The following SNX18 variants were observed in gnomAD, a reference collection of about 807,000 sequenced individuals.
SNX18 encodes the protein sorting nexin-18.
SNX18 carries 35 observed loss-of-function variants against 48.7 expected under a neutral mutation model. That is an observed-to-expected ratio of 0.72 (90% confidence interval 0.55 to 0.95). The LOEUF (loss-of-function observed/expected upper bound fraction) is 0.95. Ranked by LOEUF, SNX18 falls within the 40% of genes least tolerant of loss-of-function variation. The pLI is 0.00. For synonymous variants in SNX18, 492 were observed against 384.7 expected (o/e 1.28, Z -3.26); for missense variants, 824 against 871.0 (o/e 0.95, Z 0.68).
In SNX18 at chr5:54,544,082, C is replaced by T. The variant is rs1762523728; in HGVS notation, c.*650C>T. 1.3e-5 allele frequency: 2 copies of T among 152,246 alleles called. No homozygotes were observed. Among genetic ancestry groups the T allele is most frequent in the South Asian group, 2.1e-4 (1 of 4,822 alleles). 9.4% of individuals were successfully genotyped at this position (152,246 alleles called of 1,614,324 possible). On this transcript the variant is annotated 3_prime_UTR_variant, in exon 2 of 2. Coordinates refer to ENST00000381410, the MANE Select transcript of SNX18 (RefSeq NM_001102575.2). The stretch of plus-strand genomic sequence containing the variant: ...GATCAGCTGTCATCAATTTGCACAG[C>T]AAGTATTATCTCCTGATAAGATGCT...
At chr5:54,568,368 C>T in the SNX18 span, among the ~76,000 whole-genome samples, 1 of 152,228 alleles carries the variant, frequency 6.6e-6, no homozygotes, top group African/African-American at 2.4e-5. Flanking sequence ...TTTGGACACA[C>T]ACTCCTTTGC....
At chr5:54,615,327 T>C in the SNX18 span, among the ~76,000 whole-genome samples, 3 of 152,178 alleles carry the variant, frequency 2.0e-5, no homozygotes, top group Non-Finnish European at 4.4e-5. Context: ...ATGCCTGTAG[T>C]CTACCCACCC....
the SNX18 span, among the ~76,000 whole-genome samples, chr5:54,563,905 A>G: frequency 1.3e-5 from 2 of 152,022 alleles, no homozygotes; most frequent in African/African-American, 4.8e-5. Flanking sequence ...TAATATATGT[A>G]TATAATTTTT....
the SNX18 span, among the ~76,000 whole-genome samples, chr5:54,632,079 G>A: frequency 2.6e-5 from 4 of 152,184 alleles, no homozygotes; most frequent in Admixed American, 6.5e-5. Context: ...TCTGATCTCC[G>A]AAAAGGTTGA....
At chr5:54,533,698 G>T (rs11954018) in intron 1 of SNX18, among the ~76,000 whole-genome samples, 20,604 of 152,256 alleles carry the variant, frequency 0.14, 1,556 homozygotes, top group Middle Eastern at 0.26. Flanking sequence ...AATGAGACAT[G>T]CGAAGTGCAG....
the SNX18 span, among the ~76,000 whole-genome samples, chr5:54,578,442 C>T: frequency 0.49 from 74,181 of 152,136 alleles, 19,404 homozygotes; most frequent in Non-Finnish European, 0.59. Flanking sequence ...AGAGGCCCTG[C>T]GGCCTTAGTG....
chr5:54,547,976 G>A (rs1561124958), downstream of SNX18, among the ~76,000 whole-genome samples: 1 of 152,188 alleles, frequency 6.6e-6, no homozygotes, highest in Non-Finnish European at 1.5e-5. Context: ...AGCGTATAGA[G>A]GGATGCTGCT....
the SNX18 span, among the ~76,000 whole-genome samples, chr5:54,593,814 GAA>G: frequency 5.9e-5 from 9 of 152,170 alleles, no homozygotes; most frequent in Non-Finnish European, 1.0e-4. Context: ...AAATGGTGTA[GAA>G]ACAATTGGAT....
chr5:54,579,930 G>A, the SNX18 span, among the ~76,000 whole-genome samples: 1 of 151,662 alleles, frequency 6.6e-6, no homozygotes, highest in East Asian at 1.9e-4. Flanking sequence ...ATTTTTCTTG[G>A]GTACAATATA....
chr5:54,521,290 A>G (rs909568476), intron 1 of SNX18, among the ~76,000 whole-genome samples: 7 of 152,208 alleles, frequency 4.6e-5, no homozygotes, highest in Admixed American at 2.6e-4. Context: ...TTCACTGTCA[A>G]TCACACCATG....
chr5:54,643,311 C>G, the SNX18 span, among the ~76,000 whole-genome samples: 1 of 152,008 alleles, frequency 6.6e-6, no homozygotes, highest in African/African-American at 2.4e-5. Flanking sequence ...AAAATTTAGT[C>G]ACATCTTAAA....
intron 1 of SNX18, among the ~76,000 whole-genome samples, chr5:54,524,280 G>A (rs1045588509): frequency 2.0e-5 from 3 of 152,162 alleles, no homozygotes; most frequent in African/African-American, 7.2e-5. Flanking sequence ...TGTGGGCACC[G>A]CTCATACCAC....
chr5:54,615,783 A>G, the SNX18 span, among the ~76,000 whole-genome samples: 1 of 152,228 alleles, frequency 6.6e-6, no homozygotes, highest in African/African-American at 2.4e-5. Flanking sequence ...TGTATCTTCA[A>G]TAACAGGTGC....
chr5:54,578,011 G>A, the SNX18 span, among the ~76,000 whole-genome samples: 1 of 152,158 alleles, frequency 6.6e-6, no homozygotes, highest in East Asian at 1.9e-4. Flanking sequence ...TTTGCTCCCA[G>A]ACTGGCCAGG....
rs745913100 is a variant in SNX18 at position 54,518,291 on chromosome 5, G to A, written c.339G>A (p.Ala113=). The change falls in exon 1 of 2, where the codon GCG becomes GCA. Residue 113 remains alanine, a synonymous_variant. Transcript: ENST00000381410. Reference sequence around the variant, plus strand: ...AGGCGCTGCTGCAGCCACAGCAGGCGCCGCCTCCGAGCACCTTCCAGCCGC... The same window carrying A: ...AGGCGCTGCTGCAGCCACAGCAGGCACCGCCTCCGAGCACCTTCCAGCCGC... ...AFQALLQPQQ[A]PPPSTFQPPG... is the part of the protein sequence containing the mutation. 14 of 1,504,424 alleles carry A rather than the reference G, an allele frequency of 9.3e-6. No individual in the cohort carries two copies. Among genetic ancestry groups the A allele is most frequent in the South Asian group, 2.5e-5 (2 of 79,542 alleles). 93.2% of individuals were successfully genotyped at this position (1,504,424 alleles called of 1,614,324 possible). A position where few individuals can be genotyped will look rare whatever the true frequency, so the allele number is the denominator to read the frequency against.
At chr5:54,626,984 T>C in the SNX18 span, among the ~76,000 whole-genome samples, 79 of 152,352 alleles carry the variant, frequency 5.2e-4, no homozygotes, top group African/African-American at 1.8e-3. Context: ...CAACAGAGAA[T>C]GGGTTCTTAA....
the SNX18 span, among the ~76,000 whole-genome samples, chr5:54,553,251 G>T: frequency 6.6e-6 from 1 of 152,208 alleles, no homozygotes; most frequent in Admixed American, 6.5e-5. Flanking sequence ...AGGGCACTTT[G>T]GGCAAAGGCA....
chr5:54,605,506 CT>C, the SNX18 span, among the ~76,000 whole-genome samples: 3 of 151,986 alleles, frequency 2.0e-5, no homozygotes, highest in Admixed American at 6.6e-5. Context: ...GATTACTGAA[CT>C]TTTTTACATA....
the SNX18 span, among the ~76,000 whole-genome samples, chr5:54,647,340 C>A: frequency 1.3e-5 from 2 of 152,174 alleles, no homozygotes; most frequent in Admixed American, 6.5e-5. Context: ...CCTTGGCCTC[C>A]CAAAGTGCTG....
Sources: gnomAD v4.1 joint callset for allele counts (sites outside exome capture counted in the v4.1 genomes callset) on GRCh38, gnomAD v4.1.1 for gene constraint, MANE v1.5 for transcripts, NCBI Gene and HGNC (gene_info 2026-07-23, HGNC 2026-07-21) for gene names.